TTLL3: variants seen among roughly 807,000 people sequenced by gnomAD.
The protein encoded by TTLL3 is tubulin monoglycylase TTLL3.
Under a neutral mutation model 75.2 loss-of-function variants are expected in TTLL3, and 63 were observed. The ratio of observed to expected loss-of-function variants is 0.84; its 90% confidence interval spans 0.68 to 1.03. TTLL3 has a LOEUF of 1.03. Ranked by LOEUF, TTLL3 falls within the 50% of genes least tolerant of loss-of-function variation. The pLI, the probability that TTLL3 is intolerant of heterozygous loss-of-function variation, is 0.00. For synonymous variants in TTLL3, 393 were observed against 418.5 expected (o/e 0.94, Z 0.74); for missense variants, 997 against 1,069.9 (o/e 0.93, Z 0.95).
At position 9,829,266 on chromosome 3, in the gene TTLL3, G is replaced by A. The variant is rs555375548; in HGVS notation, c.1554G>A (p.Thr518=). The part of the protein sequence containing the change: ...PWLIEINASP[T]MAPSTAVTAR... ...TGATTGAGATCAACGCCAGCCCCAC[G>A]ATGGCACCCTCCACAGCAGTCACTG... Residue 518 remains threonine (T), a synonymous_variant, in exon 11 of 14, where the codon ACG becomes ACA. Transcript: ENST00000685419. 24 of 1,614,186 alleles carry A rather than the reference G, an allele frequency of 1.5e-5. No individual in the cohort carries two copies. Among genetic ancestry groups the A allele is most frequent in the African/African-American group, 5.3e-5 (4 of 75,068 alleles).
chr3:9,819,630 C>A (rs1383882119), intron 7 of TTLL3: 17 of 985,540 alleles, frequency 1.7e-5, no homozygotes, highest in Non-Finnish European at 2.0e-5. Flanking sequence ...ATCATGCATG[C>A]CAACCCAACC....
intron 8 of TTLL3, 127 bp downstream of exon 8, chr3:9,820,868 A>G (rs1354180381): frequency 6.4e-6 from 9 of 1,417,126 alleles, no homozygotes; most frequent in Non-Finnish European, 7.4e-6. Flanking sequence ...CTGCTCAGGA[A>G]CCCTCGAGGA....
At chr3:9,818,945 C>T (rs1286826150) in intron 7 of TTLL3, 25 bp downstream of exon 7, 2 of 1,613,814 alleles carry the variant, frequency 1.2e-6, no homozygotes, top group African/African-American at 1.3e-5. Flanking sequence ...TACCTCCACT[C>T]TCCCACCCAT....
chr3:9,828,970 C>T lies in TTLL3; in HGVS notation c.1258C>T (p.Leu420=). 1 of 1,614,220 alleles carries T rather than the reference C, an allele frequency of 6.2e-7. No homozygotes were observed. The highest frequency in any genetic ancestry group is 8.5e-7 in the Non-Finnish European group (1 of 1,180,046). ...SLKNLDNSVH[L]CNNSIQKHLE... Reference sequence around the variant, plus strand: ...TGTTCTCTGCCCCAGCTCAGTGCACCTGTGCAACAACTCCATCCAGAAGCA... The same window carrying T: ...TGTTCTCTGCCCCAGCTCAGTGCACTTGTGCAACAACTCCATCCAGAAGCA... Residue 420 remains leucine, a synonymous_variant, in exon 11 of 14, where the codon CTG becomes TTG. Transcript: ENST00000685419.
chr3:9,829,760 G>A (rs926283971), intron 11 of TTLL3, among the ~76,000 whole-genome samples: 2 of 152,164 alleles, frequency 1.3e-5, no homozygotes, highest in East Asian at 3.8e-4. Context: ...AGGTCTCCTT[G>A]TCCGTAAGAA....
chr3:9,822,005 A>G (rs2080466363), intron 8 of TTLL3, among the ~76,000 whole-genome samples: 1 of 149,838 alleles, frequency 6.7e-6, no homozygotes, highest in South Asian at 2.1e-4. Flanking sequence ...TCCGTCTCAA[A>G]AAAAAAAAAA....
intron 8 of TTLL3, among the ~76,000 whole-genome samples, chr3:9,821,818 T>C (rs537691065): frequency 9.2e-5 from 14 of 151,956 alleles, no homozygotes; most frequent in Admixed American, 5.2e-4. Flanking sequence ...GCCTGGCCAA[T>C]ATGGCGAAAC....
chr3:9,814,070 C>T lies in TTLL3; in HGVS notation c.315+725C>T, dbSNP rs562490717. 9.2e-5 allele frequency among the ~76,000 whole-genome samples: 14 copies of T among 151,904 alleles called. No individual in the cohort carries two copies. The South Asian group carries it at 2.1e-3, about 23-fold the overall frequency. On this transcript the variant is annotated intron_variant, in intron 4 of 13. Transcript: ENST00000685419. ...CCCAGCACTTTTTGGGAGGCCGAGGCGGGCAGATTCCTTGAGGTCAGGAGT... is the reference window on the plus strand; with the variant it reads ...CCCAGCACTTTTTGGGAGGCCGAGGTGGGCAGATTCCTTGAGGTCAGGAGT...
chr3:9,833,213 T>C lies in TTLL3; in HGVS notation c.1793T>C (p.Val598Ala). ...CHRRMGVRPA[V>A]PLLTQRGSGE... Reference sequence around the variant, plus strand: ...CGGCGGATGGGGGTCCGCCCAGCAGTCCCTCTGCTGACCCAGCGAGGCTCT... The same window carrying C: ...CGGCGGATGGGGGTCCGCCCAGCAGCCCCTCTGCTGACCCAGCGAGGCTCT... The change falls in exon 12 of 14, where the codon GTC becomes GCC. Residue 598 changes from valine to alanine, a missense_variant. Coordinates refer to ENST00000685419, the MANE Select transcript of TTLL3 (RefSeq NM_001387446.1). The C allele has an allele frequency of 6.2e-7, 1 of 1,613,974 alleles. No individual in the cohort carries two copies. Among genetic ancestry groups the C allele is most frequent in the Non-Finnish European group, 8.5e-7 (1 of 1,179,956 alleles).
At chr3:9,817,379 G>A (rs1316876231) in intron 5 of TTLL3, 47 of 948,480 alleles carry the variant, frequency 5.0e-5, no homozygotes, top group Admixed American at 6.2e-5. Context: ...AGCCGAGATC[G>A]CGCCACTGCA....
rs1267561252 is a variant in TTLL3, at chr3:9,829,284, A to C, written c.1572A>C (p.Ala524=). The part of the protein sequence containing the change: ...NASPTMAPST[A]VTARLCAGVQ... ...GCCCCACGATGGCACCCTCCACAGC[A>C]GTCACTGCCCGGCTCTGTGCTGGCG... Residue 524 remains alanine (A), a synonymous_variant, in exon 11 of 14, where the codon GCA becomes GCC. Coordinates refer to ENST00000685419, the MANE Select transcript of TTLL3 (RefSeq NM_001387446.1). 6.2e-7 allele frequency: 1 copy of C among 1,614,158 alleles called. No homozygotes were observed. Among genetic ancestry groups the C allele is most frequent in the African/African-American group, 1.3e-5 (1 of 75,068 alleles).
At position 9,834,145 on chromosome 3, in the gene TTLL3, T is replaced by C. The variant is rs566706117; in HGVS notation, c.1826-536T>C. The C allele has an allele frequency of 7.0e-5, 15 of 215,604 alleles. No individual in the cohort carries two copies. The Admixed American group carries it at 7.6e-4, about 11-fold the overall frequency. 13.4% of individuals were successfully genotyped at this position (215,604 alleles called of 1,614,324 possible). On this transcript the variant is annotated intron_variant, in intron 12 of 13. Transcript: ENST00000685419. ...AAAAAAAAAAAAAAACCCAGCCAAA[T>C]GAGTATTGTCTCCTCCAAAGTAGTC...
chr3:9,812,382 G>A (rs559488694), intron 2 of TTLL3, among the ~76,000 whole-genome samples: 7 of 152,162 alleles, frequency 4.6e-5, no homozygotes, highest in Non-Finnish European at 1.0e-4. Flanking sequence ...GGGCGCAGTG[G>A]CACACGCCTG....
intron 12 of TTLL3, chr3:9,834,379 T>C (rs1009948362): frequency 1.5e-5 from 9 of 584,946 alleles, no homozygotes; most frequent in Non-Finnish European, 2.9e-5. Context: ...GCTCCTTTAG[T>C]GTTTACACCA....
In TTLL3 at chr3:9,829,195, C is replaced by G. The variant is rs751774542; in HGVS notation, c.1483C>G (p.Leu495Val). 1 of 1,614,204 alleles carries G rather than the reference C, an allele frequency of 6.2e-7. No homozygotes were observed. The highest frequency in any genetic ancestry group is 8.5e-7 in the Non-Finnish European group (1 of 1,180,008). ...GCAGTGTCGGAAGGCCAGCTTTGAGCTCTATGGCGCTGACTTCGTGTTCGG... is the reference window on the plus strand; with the variant it reads ...GCAGTGTCGGAAGGCCAGCTTTGAGGTCTATGGCGCTGACTTCGTGTTCGG... ...TVQCRKASFE[L>V]YGADFVFGED... Residue 495 changes from leucine (L) to valine (V), a missense_variant, in exon 11 of 14, where the codon CTC (leucine) becomes GTC (valine). Leu to Val is a conservative substitution (Grantham distance 32). Transcript: ENST00000685419.
At position 9,810,463 on chromosome 3, in the gene TTLL3, G is replaced by C. The variant is rs2079239444; in HGVS notation, c.-42+69G>C. 1.4e-6 allele frequency: 2 copies of C among 1,438,086 alleles called. No individual in the cohort carries two copies. Among genetic ancestry groups the C allele is most frequent in the African/African-American group, 2.9e-5 (2 of 69,110 alleles). 89.1% of individuals were successfully genotyped at this position (1,438,086 alleles called of 1,614,324 possible). The stretch of plus-strand genomic sequence containing the variant: ...GAGGACGACAAGACGCTGGGGTGGA[G>C]GGACTGGGGGTCGGGAGAAGAGCGG... On this transcript the variant is annotated intron_variant, in intron 1 of 13. Coordinates refer to ENST00000685419, the MANE Select transcript of TTLL3 (RefSeq NM_001387446.1). This position sits in a 1 kb window ranked among gnomAD's most constrained non-coding sequence, Gnocchi z 4.4.
At position 9,826,983 on chromosome 3, in the gene TTLL3, C is replaced by G. The variant is rs1480854440; in HGVS notation, c.1004-14C>G. On this transcript the variant is annotated splice_polypyrimidine_tract_variant and intron_variant, in intron 9 of 13. Coordinates refer to ENST00000685419, the MANE Select transcript of TTLL3 (RefSeq NM_001387446.1). ...CCTGACCTTCCAATCCCTGACTGCC[C>G]TCTTCCCCCGTAGGCATCATGTGCA... The G allele has an allele frequency of 1.2e-5, 19 of 1,614,074 alleles. No homozygotes were observed. Among genetic ancestry groups the G allele is most frequent in the Non-Finnish European group, 1.6e-5 (19 of 1,179,966 alleles).
Position 9,812,992 on chromosome 3 carries a change from T to C in TTLL3, c.98T>C (p.Leu33Pro). The change falls in exon 3 of 14, where the codon CTC (leucine) becomes CCC (proline). Residue 33 changes from leucine to proline, a missense_variant. Transcript: ENST00000685419. ...IQGCYPVIRC[L>P]LRRRGWVEKK... is the part of the protein sequence containing the mutation. Reference sequence around the variant, plus strand: ...GGCTGCTACCCGGTGATCCGGTGTCTCTTGCGCCGGAGGGGCTGGGTGGAG... The same window carrying C: ...GGCTGCTACCCGGTGATCCGGTGTCCCTTGCGCCGGAGGGGCTGGGTGGAG... 1 of 1,555,568 alleles carries C rather than the reference T, an allele frequency of 6.4e-7. No individual in the cohort carries two copies. Among genetic ancestry groups the C allele is most frequent in the South Asian group, 1.2e-5 (1 of 82,336 alleles).
intron 6 of TTLL3, 101 bp downstream of exon 6, chr3:9,817,860 A>T: frequency 6.8e-7 from 1 of 1,459,986 alleles, no homozygotes; most frequent in Non-Finnish European, 9.3e-7. Context: ...TCATGCCCTC[A>T]TCTGCCTGCC....
Sources: allele counts gnomAD v4.1 joint callset (sites outside exome capture counted in the v4.1 genomes callset), GRCh38; gene constraint gnomAD v4.1.1; non-coding constraint Gnocchi (gnomAD v3.1); transcripts MANE v1.5; gene names NCBI Gene and HGNC (gene_info 2026-07-23, HGNC 2026-07-21).